ST8SIA6: variants seen among roughly 807,000 people sequenced by gnomAD.
ST8SIA6 encodes ST8 alpha-N-acetyl-neuraminide alpha-2,8-sialyltransferase 6.
ST8SIA6 carries 39 observed loss-of-function variants against 33.6 expected under a neutral mutation model. The observed-to-expected ratio is 1.16, with a 90% CI of 0.90 to 1.52. The LOEUF is 1.52. ST8SIA6 is among the 40% of genes most tolerant of loss of function. ST8SIA6 has a pLI of 0.00. For synonymous variants in ST8SIA6, 172 were observed against 167.2 expected (o/e 1.03, Z -0.22); for missense variants, 441 against 443.8 (o/e 0.99, Z 0.06).
intron 2 of ST8SIA6, among the ~76,000 whole-genome samples, chr10:17,405,884 C>CA (rs10546412): frequency 0.084 from 7,179 of 85,162 alleles, 239 homozygotes; most frequent in Non-Finnish European, 0.11. Flanking sequence ...GACTCCATTT[C>CA]AAAAAAAAAA....
At chr10:17,452,961 CTGAA>C (rs1249999428) in intron 2 of ST8SIA6, among the ~76,000 whole-genome samples, 2 of 152,026 alleles carry the variant, frequency 1.3e-5, no homozygotes, top group Admixed American at 1.3e-4. Flanking sequence ...GGTAAGGACT[CTGAA>C]TGAATAACAT....
intron 4 of ST8SIA6, among the ~76,000 whole-genome samples, chr10:17,350,568 T>C (rs867537322): frequency 6.6e-6 from 1 of 151,366 alleles, no homozygotes; most frequent in Non-Finnish European, 1.5e-5. Flanking sequence ...TCCAGTGATT[T>C]AGGGATTCCA....
At chr10:17,350,003 G>A (rs1848978486) in intron 4 of ST8SIA6, among the ~76,000 whole-genome samples, 1 of 152,132 alleles carries the variant, frequency 6.6e-6, no homozygotes, top group Non-Finnish European at 1.5e-5. Context: ...TAATGAAGGT[G>A]AATTTCAGGA....
chr10:17,337,226 C>G (rs1436638461), intron 4 of ST8SIA6, among the ~76,000 whole-genome samples: 6 of 152,150 alleles, frequency 3.9e-5, no homozygotes, highest in Admixed American at 1.3e-4. Flanking sequence ...CCTGAGGCCT[C>G]CTCAGCCACG....
chr10:17,351,024 C>T (rs1849012861), intron 4 of ST8SIA6, among the ~76,000 whole-genome samples: 2 of 152,078 alleles, frequency 1.3e-5, no homozygotes, highest in South Asian at 2.1e-4. Flanking sequence ...TATTACGAGA[C>T]CTCAATAACT....
chr10:17,428,408 C>G (rs1851999453), intron 2 of ST8SIA6, among the ~76,000 whole-genome samples: 1 of 152,136 alleles, frequency 6.6e-6, no homozygotes, highest in African/African-American at 2.4e-5. Context: ...TATGACCCTC[C>G]ATAAATGCTG....
chr10:17,454,235 C>T lies in ST8SIA6; in HGVS notation c.21G>A (p.Leu7=), dbSNP rs1166625889. The change falls in exon 1 of 8, where the codon CTG becomes CTA. Residue 7 remains leucine (L), a synonymous_variant. Coordinates refer to ENST00000377602, the MANE Select transcript of ST8SIA6 (RefSeq NM_001004470.3). This position sits in a 1 kb window ranked among gnomAD's most constrained non-coding sequence, Gnocchi z 4.1. Reference sequence around the variant, plus strand: ...GCAGCAGGCTGGCGAGCAGGGCGAGCAGTGCGCCCCCCGGCCGCATCCTGA... The same window carrying T: ...GCAGCAGGCTGGCGAGCAGGGCGAGTAGTGCGCCCCCCGGCCGCATCCTGA... The part of the protein sequence containing the change: MRPGGA[L]LALLASLLLL... The T allele has an allele frequency of 3.9e-6, 1 of 253,744 alleles. No individual in the cohort carries two copies. Among genetic ancestry groups the T allele is most frequent in the Admixed American group, 5.5e-5 (1 of 18,232 alleles). 15.7% of individuals were successfully genotyped at this position (253,744 alleles called of 1,614,324 possible). A position where few individuals can be genotyped will look rare whatever the true frequency, so the allele number is the denominator to read the frequency against.
intron 2 of ST8SIA6, among the ~76,000 whole-genome samples, chr10:17,419,662 G>GA (rs376756593): frequency 6.6e-6 from 1 of 152,154 alleles, no homozygotes; most frequent in African/African-American, 2.4e-5. Flanking sequence ...ATAGACAGAA[G>GA]AAAAAAGGAG....
intron 2 of ST8SIA6, among the ~76,000 whole-genome samples, chr10:17,422,677 T>C (rs1271403303): frequency 6.6e-6 from 1 of 152,196 alleles, no homozygotes; most frequent in Non-Finnish European, 1.5e-5. Context: ...AAAAACTATT[T>C]TACTGACTCT....
chr10:17,425,585 AAAGGAAGG>A (rs975253212), intron 2 of ST8SIA6, among the ~76,000 whole-genome samples: 3 of 151,208 alleles, frequency 2.0e-5, no homozygotes, highest in African/African-American at 7.3e-5. Flanking sequence ...GGAAAGAACG[AAAGGAAGG>A]AAGGAAGGAG....
intron 2 of ST8SIA6, among the ~76,000 whole-genome samples, chr10:17,399,657 C>T (rs1850962513): frequency 6.6e-6 from 1 of 152,086 alleles, no homozygotes; most frequent in Non-Finnish European, 1.5e-5. Context: ...TGGCTTACAC[C>T]TGTAATCCCA....
chr10:17,431,413 A>G (rs570594326), intron 2 of ST8SIA6, among the ~76,000 whole-genome samples: 2 of 152,336 alleles, frequency 1.3e-5, no homozygotes, highest in African/African-American at 4.8e-5. Context: ...TGATATACCA[A>G]TTTGAAAGCA....
At chr10:17,439,993 C>A (rs1287424424) in intron 2 of ST8SIA6, among the ~76,000 whole-genome samples, 1 of 152,172 alleles carries the variant, frequency 6.6e-6, no homozygotes, top group African/African-American at 2.4e-5. Context: ...TAAATAAACT[C>A]CCAGTGCCAA....
Position 17,327,148 on chromosome 10 carries a change from C to T in ST8SIA6, c.523-22G>A, listed in dbSNP as rs777327058. On this transcript the variant is annotated intron_variant, in intron 5 of 7. Coordinates refer to ENST00000377602, the MANE Select transcript of ST8SIA6 (RefSeq NM_001004470.3). ...GGGACTAGCAGGAGAAAGTGGAAAA[C>T]TACCATGAAATACCGTTAATTTTAG... 5.8e-6 allele frequency: 9 copies of T among 1,559,852 alleles called. No individual in the cohort carries two copies. The African/African-American group carries it at 9.6e-5, about 17-fold the overall frequency.
rs181097418 is a variant in ST8SIA6, at chr10:17,328,523, G to T, written c.523-1397C>A. 5.3e-5 allele frequency among the ~76,000 whole-genome samples: 8 copies of T among 152,296 alleles called. No homozygotes were observed. In the East Asian group the frequency reaches 1.5e-3, roughly 29 times the overall value. On this transcript the variant is annotated intron_variant, in intron 5 of 7. Transcript: ENST00000377602. Reference sequence around the variant, plus strand: ...GTGACCTTGAGCCCACGGCCAGGGTGCCGGCTCGTGCTTCCCAGTGATGAG... The same window carrying T: ...GTGACCTTGAGCCCACGGCCAGGGTTCCGGCTCGTGCTTCCCAGTGATGAG...
At chr10:17,339,428 C>T (rs1848604823) in intron 4 of ST8SIA6, among the ~76,000 whole-genome samples, 1 of 152,174 alleles carries the variant, frequency 6.6e-6, no homozygotes, top group South Asian at 2.1e-4. Flanking sequence ...GCTACCTTTC[C>T]AGAATTCATT....
chr10:17,421,056 C>T (rs1472609409), intron 2 of ST8SIA6, among the ~76,000 whole-genome samples: 1 of 152,160 alleles, frequency 6.6e-6, no homozygotes, highest in Non-Finnish European at 1.5e-5. Context: ...CAATCACATC[C>T]CACCAGGCTC....
At chr10:17,355,871 C>T (rs984400142) in intron 4 of ST8SIA6, among the ~76,000 whole-genome samples, 1 of 152,206 alleles carries the variant, frequency 6.6e-6, no homozygotes, top group Non-Finnish European at 1.5e-5. Context: ...TCCAGCCCAG[C>T]TGGCCTTGAA....
At chr10:17,396,743 C>A (rs1313179087) in intron 2 of ST8SIA6, among the ~76,000 whole-genome samples, 3 of 152,184 alleles carry the variant, frequency 2.0e-5, no homozygotes, top group African/African-American at 7.2e-5. Flanking sequence ...AACGAAATCA[C>A]CCATTCTGCT....
Sources: allele counts gnomAD v4.1 joint callset (sites outside exome capture counted in the v4.1 genomes callset), GRCh38; gene constraint gnomAD v4.1.1; non-coding constraint Gnocchi (gnomAD v3.1); transcripts MANE v1.5; gene names NCBI Gene and HGNC (gene_info 2026-07-23, HGNC 2026-07-21).